The following ETV6 variants were observed in gnomAD, a reference collection of about 807,000 sequenced individuals.
ETV6 encodes the protein ETS variant transcription factor 6.
In ETV6, 16 loss-of-function variants were observed where a neutral mutation model predicts 51.1. The observed-to-expected ratio is 0.31, with a 90% CI of 0.21 to 0.48. The LOEUF (loss-of-function observed/expected upper bound fraction) is 0.48. Among genes scored for constraint, ETV6 ranks in the 20% least tolerant of loss-of-function variants. ETV6 has a pLI of 0.99. For synonymous variants in ETV6, 240 were observed against 224.1 expected, an observed-to-expected ratio of 1.07 and a Z score of -0.64; for missense variants, 458 against 594.8, an observed-to-expected ratio of 0.77 and a Z score of 2.39.
chr12:11,650,281 G>C, intron 1 of ETV6, 121 bp downstream of exon 1: 2 of 883,838 alleles, frequency 2.3e-6, no homozygotes, highest in Non-Finnish European at 3.8e-6. Flanking sequence ...AAATTATTTG[G>C]GGCGAGAGGG....
chr12:11,794,748 C>T (rs1221733181), intron 2 of ETV6, among the ~76,000 whole-genome samples: 1 of 152,110 alleles, frequency 6.6e-6, no homozygotes, highest in Non-Finnish European at 1.5e-5. Flanking sequence ...CAGGAGAAAA[C>T]CATTATTTTA....
chr12:11,881,637 A>G (rs932386669), intron 5 of ETV6, among the ~76,000 whole-genome samples: 2 of 152,246 alleles, frequency 1.3e-5, no homozygotes, highest in African/African-American at 4.8e-5. Flanking sequence ...TGGGGCCCCC[A>G]AGACCTAATC....
intron 2 of ETV6, among the ~76,000 whole-genome samples, chr12:11,769,735 C>T (rs1744747972): frequency 6.6e-6 from 1 of 152,206 alleles, no homozygotes; most frequent in Admixed American, 6.5e-5. Flanking sequence ...TAGACTGTAA[C>T]ATGCCCCTTC....
intron 2 of ETV6, among the ~76,000 whole-genome samples, chr12:11,818,886 C>T (rs570041854): frequency 8.8e-4 from 134 of 152,202 alleles, no homozygotes; most frequent in African/African-American, 3.1e-3. Flanking sequence ...AGCTGTCACC[C>T]TGCTCCTCCC....
chr12:11,654,923 G>C (rs969027451), intron 1 of ETV6, among the ~76,000 whole-genome samples: 7 of 152,138 alleles, frequency 4.6e-5, no homozygotes, highest in African/African-American at 1.7e-4. Flanking sequence ...AAATGTGGCA[G>C]CTGGCCCTAG....
At position 11,869,241 on chromosome 12, in the gene ETV6, G is replaced by A. The variant is rs368089921; in HGVS notation, c.464-183G>A. Among the ~76,000 whole-genome samples the A allele has an allele frequency of 4.6e-4, 64 of 140,248 alleles. No individual in the cohort carries two copies. The highest frequency in any genetic ancestry group is 5.1e-4 in the Non-Finnish European group (33 of 65,162). The allele number at this position is 140,248 out of a possible 152,430, so 92.0% of individuals were successfully genotyped here. A position where few individuals can be genotyped will look rare whatever the true frequency, so the allele number is the denominator to read the frequency against. ...ACAGAGTGAGACTCCATCTCAAACAGAAAAAAAAAAAAAATATGCACCCTT... is the reference window on the plus strand; with the variant it reads ...ACAGAGTGAGACTCCATCTCAAACAAAAAAAAAAAAAAAATATGCACCCTT... On this transcript the variant is annotated intron_variant, in intron 4 of 7. Transcript: ENST00000396373. The surrounding 1 kb of genome is among the most constrained non-coding windows in gnomAD (Gnocchi z 5.0).
chr12:11,657,457 G>A (rs1864021299), intron 1 of ETV6, among the ~76,000 whole-genome samples: 1 of 152,314 alleles, frequency 6.6e-6, no homozygotes, highest in Non-Finnish European at 1.5e-5. Context: ...TGAGATTTAA[G>A]AAGTGAAGAA....
chr12:11,706,133 C>T (rs1189783771), intron 1 of ETV6, among the ~76,000 whole-genome samples: 1 of 152,232 alleles, frequency 6.6e-6, no homozygotes, highest in African/African-American at 2.4e-5. Flanking sequence ...AGCCTTGCAT[C>T]TGAGTTCTTG....
At chr12:11,848,920 C>A (rs915670023) in intron 3 of ETV6, among the ~76,000 whole-genome samples, 4 of 152,148 alleles carry the variant, frequency 2.6e-5, no homozygotes, top group Non-Finnish European at 5.9e-5. Context: ...CACTGTGTTT[C>A]TTTTCTGGGA....
intron 3 of ETV6, among the ~76,000 whole-genome samples, chr12:11,844,665 A>T (rs1285789220): frequency 6.6e-6 from 1 of 152,040 alleles, no homozygotes; most frequent in East Asian, 1.9e-4. Context: ...ACAGAAGGGA[A>T]ATTGTAGCCA....
At chr12:11,863,997 C>T (rs1278295448) in intron 4 of ETV6, among the ~76,000 whole-genome samples, 1 of 152,210 alleles carries the variant, frequency 6.6e-6, no homozygotes, top group South Asian at 2.1e-4. Flanking sequence ...AGTACTTCCT[C>T]TTTGAGTGAT....
At chr12:11,652,271 G>A (rs955827547) in intron 1 of ETV6, among the ~76,000 whole-genome samples, 2 of 152,180 alleles carry the variant, frequency 1.3e-5, no homozygotes, top group Non-Finnish European at 2.9e-5. Context: ...TATGTGAAGA[G>A]TATCTTTCCA....
chr12:11,679,631 A>G (rs1260904018), intron 1 of ETV6, among the ~76,000 whole-genome samples: 1 of 152,226 alleles, frequency 6.6e-6, no homozygotes, highest in African/African-American at 2.4e-5. Context: ...AAATGGAGCC[A>G]TCATGGGATC....
intron 2 of ETV6, among the ~76,000 whole-genome samples, chr12:11,818,510 A>G (rs1446691630): frequency 1.3e-5 from 2 of 149,160 alleles, no homozygotes; most frequent in Non-Finnish European, 3.0e-5. Context: ...CCTGGGCGAC[A>G]GAGCGAGAGA....
intron 2 of ETV6, chr12:11,825,854 T>TA (rs1429791621): frequency 2.0e-5 from 3 of 148,584 alleles, no homozygotes; most frequent in Non-Finnish European, 3.0e-5. Flanking sequence ...TTTTTTTTTT[T>TA]AAAGTCAGAG....
intron 5 of ETV6, among the ~76,000 whole-genome samples, chr12:11,875,690 G>A (rs760812391): frequency 2.0e-5 from 3 of 152,200 alleles, no homozygotes; most frequent in Non-Finnish European, 1.5e-5. Flanking sequence ...GTCTAGCCTC[G>A]AGCTTCTGTT....
rs1474702823 is a variant in ETV6, at chr12:11,835,363, T to C, written c.164-3777T>C. On this transcript the variant is annotated intron_variant, in intron 2 of 7. Coordinates refer to ENST00000396373, the MANE Select transcript of ETV6 (RefSeq NM_001987.5). ...GTAATGGTCTCTCTCCTTCTCTCCTTTTTTTCCTTTTCCTAATGATCATTA... is the reference window on the plus strand; with the variant it reads ...GTAATGGTCTCTCTCCTTCTCTCCTCTTTTTCCTTTTCCTAATGATCATTA... Among the ~76,000 whole-genome samples the C allele has an allele frequency of 2.0e-5, 3 of 152,240 alleles. No individual in the cohort carries two copies. In the East Asian group the frequency reaches 5.8e-4, roughly 29 times the overall value.
At chr12:11,804,590 C>T (rs1045231736) in intron 2 of ETV6, among the ~76,000 whole-genome samples, 3 of 152,240 alleles carry the variant, frequency 2.0e-5, no homozygotes, top group Non-Finnish European at 4.4e-5. Context: ...CTCACCTTAT[C>T]CAGGCCTCTG....
chr12:11,853,371 C>A (rs754023457), intron 3 of ETV6, 56 bp from the exon 4 acceptor site: 3 of 1,607,420 alleles, frequency 1.9e-6, no homozygotes, highest in Non-Finnish European at 2.6e-6. Flanking sequence ...CTCCGTAGAT[C>A]GTTGTTGGAA....
Sources: gnomAD v4.1 joint callset for allele counts (sites outside exome capture counted in the v4.1 genomes callset) on GRCh38, gnomAD v4.1.1 for gene constraint, Gnocchi (gnomAD v3.1) non-coding constraint, MANE v1.5 for transcripts, NCBI Gene and HGNC (gene_info 2026-07-23, HGNC 2026-07-21) for gene names.